FLG2: variants seen among roughly 807,000 people sequenced by gnomAD.
The protein encoded by FLG2 is filaggrin 2.
In FLG2, 7 loss-of-function variants were observed where a neutral mutation model predicts 3.9. That is an observed-to-expected ratio of 1.79 (90% confidence interval 1.02 to 3.36). The LOEUF is 3.36. Ranked by LOEUF, FLG2 falls within the 30% of genes most tolerant of loss-of-function variation. The probability of loss-of-function intolerance (pLI) is 0.00; values close to 1 mark genes in which losing one functional copy is unlikely to be tolerated. For synonymous variants in FLG2, 1,031 were observed against 1,056.1 expected (o/e 0.98, Z 0.46); for missense variants, 2,700 against 2,809.4 (o/e 0.96, Z 0.88).
In FLG2 at chr1:152,350,961, A is replaced by G. The variant is rs534734078; in HGVS notation, c.6825T>C (p.Ile2275=). 24 of 1,613,494 alleles carry G rather than the reference A, an allele frequency of 1.5e-5. No homozygotes were observed. In the Admixed American group the frequency reaches 1.7e-4, roughly 11 times the overall value. Residue 2275 remains isoleucine, a synonymous_variant, in exon 3 of 3, where the codon ATT becomes ATC. Coordinates refer to ENST00000388718, the MANE Select transcript of FLG2 (RefSeq NM_001014342.3). ...TTTGTTGAGATCCAGCTTGGCCCTG[A>G]ATGTGTCCTGAATGTGTGTGTGAGC... ...SWGSHTHSGH[I]QGQAGSQQRQ...
At position 152,356,181 on chromosome 1, in the gene FLG2, C is replaced by G; in HGVS notation, c.1605G>C (p.Glu535Asp). The change falls in exon 3 of 3, where the codon GAG (glutamate) becomes GAC (aspartate). Residue 535 changes from glutamate to aspartate, a missense_variant. Coordinates refer to ENST00000388718, the MANE Select transcript of FLG2 (RefSeq NM_001014342.3). ...CATAGCTAGACTGACGTGATCTAGA[C>G]TCATGTTGTCCAAAACCAGAGGATT... is the stretch of plus-strand genomic sequence containing the variant. ...SGQSSGFGQHESRSRQSSYGQ... is the reference protein window; with the variant it reads ...SGQSSGFGQHDSRSRQSSYGQ... The G allele has an allele frequency of 1.2e-6, 2 of 1,613,720 alleles. No homozygotes were observed. The highest frequency in any genetic ancestry group is 1.7e-6 in the Non-Finnish European group (2 of 1,180,006).
Position 152,358,876 on chromosome 1 carries a change from G to T in FLG2, c.9C>A (p.Asp3Glu). 6.2e-7 allele frequency: 1 copy of T among 1,611,700 alleles called. No individual in the cohort carries two copies. The highest frequency in any genetic ancestry group is 8.5e-7 in the Non-Finnish European group (1 of 1,179,270). ...TTACGGTGACAACACTTCTCAAGAG[G>T]TCGGTCATCTTTTTGCAAGTTTAAG... MTDLLRSVVTVID... is the reference protein window; with the variant it reads MTELLRSVVTVID... The change falls in exon 2 of 3, where the codon GAC becomes GAA. Residue 3 changes from aspartate (D) to glutamate (E), a missense_variant. Coordinates refer to ENST00000388718, the MANE Select transcript of FLG2 (RefSeq NM_001014342.3).
chr1:152,357,995 C>T (rs184980968), intron 2 of FLG2, among the ~76,000 whole-genome samples: 3 of 151,610 alleles, frequency 2.0e-5, no homozygotes, highest in Admixed American at 1.3e-4. Context: ...TGGAATTTAT[C>T]ATCTATTATT....
intron 2 of FLG2, among the ~76,000 whole-genome samples, chr1:152,358,499 A>G (rs954838319): frequency 3.3e-5 from 5 of 152,178 alleles, no homozygotes; most frequent in African/African-American, 1.2e-4. Context: ...TTTCTAAGGA[A>G]AAGCCTGGGT....
At position 152,355,336 on chromosome 1, in the gene FLG2, G is replaced by A; in HGVS notation, c.2450C>T (p.Ser817Phe). Residue 817 changes from serine to phenylalanine, a missense_variant, in exon 3 of 3, where the codon TCC becomes TTC. Ser to Phe is a radical substitution (Grantham distance 155). Transcript: ENST00000388718. ...FGQYGSGSGQSAGFGQHGSGS... is the reference protein window; with the variant it reads ...FGQYGSGSGQFAGFGQHGSGS... The stretch of plus-strand genomic sequence containing the variant: ...AGACCCATGTTGTCCAAAGCCAGCG[G>A]ACTGACCTGAGCCTGATCCATATTG... 6.2e-7 allele frequency: 1 copy of A among 1,613,954 alleles called. No individual in the cohort carries two copies. The highest frequency in any genetic ancestry group is 8.5e-7 in the Non-Finnish European group (1 of 1,179,932).
rs1490016727 is a variant in FLG2, at chr1:152,356,022, A to T, written c.1764T>A (p.Gly588=). Residue 588 remains glycine (G), a synonymous_variant, in exon 3 of 3, where the codon GGT becomes GGA. Transcript: ENST00000388718. ...TGFGQYGSGS[G]QSSGFGQHGS... ...CATGTTGTCCAAAGCCAGAGGACTG[A>T]CCTGAGCCCGATCCATATTGGCCAA... 12 of 1,612,842 alleles carry T rather than the reference A, an allele frequency of 7.4e-6. No homozygotes were observed. Among genetic ancestry groups the T allele is most frequent in the Non-Finnish European group, 1.0e-5 (12 of 1,179,744 alleles).
Position 152,356,589 on chromosome 1 carries a change from A to G in FLG2, c.1197T>C (p.Gly399=). ...AAGAGTTTGAAAAGCGGCCACAGGA[A>G]CCATATTCATGTTGACCATTACTAC... is the stretch of plus-strand genomic sequence containing the variant. The part of the protein sequence containing the change: ...QSCSNGQHEY[G]SCGRFSNSSS... Residue 399 remains glycine, a synonymous_variant, in exon 3 of 3, where the codon GGT becomes GGC. Transcript: ENST00000388718. 6.2e-7 allele frequency: 1 copy of G among 1,614,172 alleles called. No individual in the cohort carries two copies. Among genetic ancestry groups the G allele is most frequent in the Non-Finnish European group, 8.5e-7 (1 of 1,180,018 alleles).
intron 1 of FLG2, among the ~76,000 whole-genome samples, chr1:152,359,278 A>C (rs943534325): frequency 2.0e-5 from 3 of 152,168 alleles, no homozygotes; most frequent in Non-Finnish European, 2.9e-5. Flanking sequence ...CCATTGCCTC[A>C]ATCTCTCTTT....
chr1:152,352,142 C>T lies in FLG2; in HGVS notation c.5644G>A (p.Glu1882Lys), dbSNP rs1348174055. ...TTGRRRSGHS[E>K]SSDSEVHSGG... Reference sequence around the variant, plus strand: ...GAGTGCACTTCACTGTCACTGGACTCACTGTGGCCAGATCTCCTTCTTCCA... The same window carrying T: ...GAGTGCACTTCACTGTCACTGGACTTACTGTGGCCAGATCTCCTTCTTCCA... The change falls in exon 3 of 3, where the codon GAG (glutamate) becomes AAG (lysine). Residue 1882 changes from glutamate (E) to lysine (K), a missense_variant. Glu to Lys is a moderately conservative substitution (Grantham distance 56). Coordinates refer to ENST00000388718, the MANE Select transcript of FLG2 (RefSeq NM_001014342.3). 1.2e-6 allele frequency: 2 copies of T among 1,613,764 alleles called. No homozygotes were observed. The highest frequency in any genetic ancestry group is 1.1e-5 in the South Asian group (1 of 91,056).
rs1653952166 is a variant in FLG2 at position 152,351,980 on chromosome 1, T to G, written c.5806A>C (p.Ser1936Arg). 1.2e-6 allele frequency: 2 copies of G among 1,609,434 alleles called. No individual in the cohort carries two copies. The highest frequency in any genetic ancestry group is 1.7e-6 in the Non-Finnish European group (2 of 1,178,350). ...TGDTTEHGHP[S>R]HGQTIQTGSR... The stretch of plus-strand genomic sequence containing the variant: ...CCTGTCTGTATGGTTTGTCCATGAC[T>G]AGGGTGGCCATGTTCAGTGGTATCT... Residue 1936 changes from serine (S) to arginine (R), a missense_variant, in exon 3 of 3, where the codon AGT becomes CGT. By Grantham distance (110) the Ser-to-Arg change is moderately radical. Transcript: ENST00000388718.
At chr1:152,359,054 G>A (rs1009419368) in intron 1 of FLG2, 148 bp from the exon 2 acceptor site, 25 of 677,104 alleles carry the variant, frequency 3.7e-5, no homozygotes, top group East Asian at 8.8e-5. Flanking sequence ...ATACAACCCC[G>A]TTTAACACAA....
Position 152,351,815 on chromosome 1 carries a change from G to A in FLG2, c.5971C>T (p.His1991Tyr). 1 of 1,612,212 alleles carries A rather than the reference G, an allele frequency of 6.2e-7. No individual in the cohort carries two copies. The highest frequency in any genetic ancestry group is 2.2e-5 in the East Asian group (1 of 44,786). The change falls in exon 3 of 3, where the codon CAT becomes TAT. Residue 1991 changes from histidine (H) to tyrosine (Y), a missense_variant. By Grantham distance (83) the His-to-Tyr change is moderately conservative. Coordinates refer to ENST00000388718, the MANE Select transcript of FLG2 (RefSeq NM_001014342.3). ...SHYPESGSSV[H>Y]ERHGTTHGQT... The stretch of plus-strand genomic sequence containing the variant: ...CCATGAGTAGTTCCGTGTCTCTCAT[G>A]AACTGAGGATCCTGACTCTGGATAG...
Position 152,353,399 on chromosome 1 carries a change from C to T in FLG2, c.4387G>A (p.Gly1463Arg), listed in dbSNP as rs1352561281. 2 of 1,611,860 alleles carry T rather than the reference C, an allele frequency of 1.2e-6. No individual in the cohort carries two copies. The highest frequency in any genetic ancestry group is 4.5e-5 in the East Asian group (2 of 44,674). The part of the protein sequence containing the change: ...QHGESGSTVH[G>R]RHGTTHGQTG... Reference sequence around the variant, plus strand: ...TGTCCATGAGTAGTTCCGTGTCTCCCATGAACTGTGGATCCTGACTCTCCA... The same window carrying T: ...TGTCCATGAGTAGTTCCGTGTCTCCTATGAACTGTGGATCCTGACTCTCCA... Residue 1463 changes from glycine to arginine, a missense_variant, in exon 3 of 3, where the codon GGG becomes AGG. Physicochemically the swap from Gly to Arg is moderately radical, Grantham distance 125 (BLOSUM62 -2). Coordinates refer to ENST00000388718, the MANE Select transcript of FLG2 (RefSeq NM_001014342.3).
At position 152,355,760 on chromosome 1, in the gene FLG2, C is replaced by T. The variant is rs1344925033; in HGVS notation, c.2026G>A (p.Gly676Arg). 1 of 1,613,616 alleles carries T rather than the reference C, an allele frequency of 6.2e-7. No individual in the cohort carries two copies. Among genetic ancestry groups the T allele is most frequent in the African/African-American group, 1.3e-5 (1 of 74,790 alleles). The change falls in exon 3 of 3, where the codon GGA becomes AGA. Residue 676 changes from glycine to arginine, a missense_variant. Coordinates refer to ENST00000388718, the MANE Select transcript of FLG2 (RefSeq NM_001014342.3). ...TGTTGTCCAAAACCAGAGGATTGTC[C>T]TGAGCCAGAAACATGTTGTCCAAAG... ...SGFGQHVSGS[G>R]QSSGFGQHES... is the part of the protein sequence containing the mutation.
Position 152,353,962 on chromosome 1 carries a change from T to C in FLG2, c.3824A>G (p.Asn1275Ser), listed in dbSNP as rs1654084072. ...TRRRRSSQSENSDSEVHSKVS... is the reference protein window; with the variant it reads ...TRRRRSSQSESSDSEVHSKVS... Reference sequence around the variant, plus strand: ...CTTTGAGTGCACTTCACTGTCACTGTTCTCACTTTGGCTAGATCTTCGTCT... The same window carrying C: ...CTTTGAGTGCACTTCACTGTCACTGCTCTCACTTTGGCTAGATCTTCGTCT... The change falls in exon 3 of 3, where the codon AAC becomes AGC. Residue 1275 changes from asparagine (N) to serine (S), a missense_variant. Transcript: ENST00000388718. 4.3e-6 allele frequency: 7 copies of C among 1,614,110 alleles called. No homozygotes were observed. In the East Asian group the frequency reaches 1.6e-4, roughly 36 times the overall value.
In FLG2 at chr1:152,354,149, C is replaced by G; in HGVS notation, c.3637G>C (p.Gly1213Arg). The G allele has an allele frequency of 3.1e-6, 5 of 1,614,264 alleles. No individual in the cohort carries two copies. The South Asian group carries it at 5.5e-5, about 18-fold the overall frequency. ...TGFGQYGSGS[G>R]QSTGLGQGES... Reference sequence around the variant, plus strand: ...CCCTGGCCCAAGCCAGTTGATTGACCTGAGCCTGAACCATATTGGCCAAAT... The same window carrying G: ...CCCTGGCCCAAGCCAGTTGATTGACGTGAGCCTGAACCATATTGGCCAAAT... Residue 1213 changes from glycine to arginine, a missense_variant, in exon 3 of 3, where the codon GGT becomes CGT. Gly to Arg is a moderately radical substitution (Grantham distance 125, BLOSUM62 -2). Transcript: ENST00000388718.
At position 152,350,996 on chromosome 1, in the gene FLG2, G is replaced by T. The variant is rs770971156; in HGVS notation, c.6790C>A (p.His2264Asn). The T allele has an allele frequency of 6.2e-7, 1 of 1,613,700 alleles. No homozygotes were observed. The highest frequency in any genetic ancestry group is 1.1e-5 in the South Asian group (1 of 91,048). Residue 2264 changes from histidine to asparagine, a missense_variant, in exon 3 of 3, where the codon CAC becomes AAC. By Grantham distance (68) the His-to-Asn change is moderately conservative (BLOSUM62 1). Coordinates refer to ENST00000388718, the MANE Select transcript of FLG2 (RefSeq NM_001014342.3). ...GHSESSDSEV[H>N]SWGSHTHSGH... ...GAATGTGTGTGTGAGCCCCATGAGT[G>T]CACTTCACTGTCACTGGACTCACTG...
chr1:152,351,040 C>T lies in FLG2; in HGVS notation c.6746G>A (p.Gly2249Glu). Residue 2249 changes from glycine to glutamate, a missense_variant, in exon 3 of 3, where the codon GGA becomes GAA. By Grantham distance (98) the Gly-to-Glu change is moderately conservative (BLOSUM62 -2). Transcript: ENST00000388718. ...CTCACTGTGGCCAGATCCCCTTCTT[C>T]CAGTTGTCCTGGACCCTCTCTGTGT... ...QSTQRGSRTTGRRGSGHSESS... is the reference protein window; with the variant it reads ...QSTQRGSRTTERRGSGHSESS... 1.2e-6 allele frequency: 2 copies of T among 1,613,318 alleles called. No individual in the cohort carries two copies. The highest frequency in any genetic ancestry group is 1.1e-5 in the South Asian group (1 of 91,018).
chr1:152,358,667 C>A, intron 2 of FLG2, 80 bp downstream of exon 2: 1 of 1,426,642 alleles, frequency 7.0e-7, no homozygotes, highest in Non-Finnish European at 9.5e-7. Context: ...TGGGGCTGTG[C>A]ACTTTTTAGC....
Sources: gnomAD v4.1 joint callset for allele counts (sites outside exome capture counted in the v4.1 genomes callset) on GRCh38, gnomAD v4.1.1 for gene constraint, MANE v1.5 for transcripts, NCBI Gene and HGNC (gene_info 2026-07-23, HGNC 2026-07-21) for gene names.